PARN: variants seen among roughly 807,000 people sequenced by gnomAD.
PARN encodes poly(A)-specific ribonuclease PARN.
A neutral mutation model predicts 102.8 loss-of-function variants in PARN; 71 were observed. The observed-to-expected ratio is 0.69, with a 90% CI of 0.57 to 0.84. The LOEUF (loss-of-function observed/expected upper bound fraction) is 0.84. PARN is among the 40% of genes least tolerant of loss of function. PARN has a pLI of 0.00. For missense variants in PARN, 782 were observed against 760.9 expected, an observed-to-expected ratio of 1.03 and a Z score of -0.33; for synonymous variants, 261 against 252.9, an observed-to-expected ratio of 1.03 and a Z score of -0.30.
At chr16:14,468,503 T>C (rs773050993) in intron 22 of PARN, among the ~76,000 whole-genome samples, 6 of 152,082 alleles carry the variant, frequency 3.9e-5, no homozygotes, top group Non-Finnish European at 8.8e-5. Context: ...GGAGCAAGAA[T>C]AGCTTGTATA....
chr16:14,517,178 T>A (rs967292159), intron 21 of PARN, among the ~76,000 whole-genome samples: 2 of 152,246 alleles, frequency 1.3e-5, no homozygotes, highest in South Asian at 2.1e-4. Flanking sequence ...TTTCTGCTCC[T>A]GCCATCAAGA....
chr16:14,567,435 A>G (rs1462697500), intron 18 of PARN, among the ~76,000 whole-genome samples: 1 of 152,152 alleles, frequency 6.6e-6, no homozygotes, highest in Non-Finnish European at 1.5e-5. Flanking sequence ...AATATCAACA[A>G]TCATACCACT....
chr16:14,457,842 T>C (rs2151569187), intron 22 of PARN, among the ~76,000 whole-genome samples: 1 of 135,182 alleles, frequency 7.4e-6, no homozygotes, highest in South Asian at 2.5e-4. Context: ...GTAAACAAAC[T>C]TAACATTAAA....
In PARN at chr16:14,436,729, AG is replaced by A; in HGVS notation, c.1907del (p.Pro636LeufsTer68). ...CCTCAGGTCTTGGTTACCATGTGTC[AG>A]GAACTTCAAAGAGTGTGGCAGGGCT... ...KNSPATLFEV[P>X]DTW On this transcript the variant is annotated frameshift_variant, in exon 24 of 24. Coordinates refer to ENST00000437198, the MANE Select transcript of PARN (RefSeq NM_002582.4). LOFTEE classifies it high-confidence loss of function. The A allele has an allele frequency of 6.2e-7, 1 of 1,601,422 alleles. No individual in the cohort carries two copies. The highest frequency in any genetic ancestry group is 8.5e-7 in the Non-Finnish European group (1 of 1,174,012).
At chr16:14,572,600 G>A (rs1968876918) in intron 18 of PARN, among the ~76,000 whole-genome samples, 1 of 152,100 alleles carries the variant, frequency 6.6e-6, no homozygotes, top group African/African-American at 2.4e-5. Context: ...TCCATACACT[G>A]CTGCGTTATA....
At chr16:14,463,012 T>C (rs1040167869) in intron 22 of PARN, among the ~76,000 whole-genome samples, 2 of 152,202 alleles carry the variant, frequency 1.3e-5, no homozygotes, top group Non-Finnish European at 2.9e-5. Context: ...AGCAGAGGAC[T>C]GATCAGCACA....
intron 14 of PARN, 51 bp downstream of exon 14, chr16:14,586,267 G>T: frequency 9.0e-7 from 1 of 1,110,212 alleles, no homozygotes; most frequent in Non-Finnish European, 1.3e-6. Flanking sequence ...GTGAGCCACC[G>T]TGCCCAGCCA....
At chr16:14,552,860 A>C (rs970662339) in intron 20 of PARN, among the ~76,000 whole-genome samples, 6 of 152,006 alleles carry the variant, frequency 3.9e-5, no homozygotes, top group Admixed American at 6.6e-5. Context: ...AGGCAGGAGA[A>C]TGGCTTGAAC....
chr16:14,471,433 C>T (rs1962732951), intron 22 of PARN, among the ~76,000 whole-genome samples: 1 of 152,190 alleles, frequency 6.6e-6, no homozygotes, highest in South Asian at 2.1e-4. Flanking sequence ...TCAGCATTCT[C>T]TCCATTCTCA....
At chr16:14,585,364 GTTTTTTT>G (rs36030259) in intron 14 of PARN, among the ~76,000 whole-genome samples, 1 of 121,128 alleles carries the variant, frequency 8.3e-6, no homozygotes, top group East Asian at 2.3e-4. Flanking sequence ...CTATTTCTCT[GTTTTTTT>G]TTTTTTTTTT....
intron 5 of PARN, among the ~76,000 whole-genome samples, chr16:14,620,579 A>T (rs75610914): frequency 0.021 from 3,233 of 152,304 alleles, 59 homozygotes; most frequent in Middle Eastern, 0.068. Context: ...CCTGCACTGT[A>T]CTTTGACATT....
chr16:14,509,208 A>C (rs1416716991), intron 21 of PARN, among the ~76,000 whole-genome samples: 1 of 152,068 alleles, frequency 6.6e-6, no homozygotes, highest in Non-Finnish European at 1.5e-5. Flanking sequence ...GAAAAGTATA[A>C]ACCCCGTGTC....
intron 21 of PARN, among the ~76,000 whole-genome samples, chr16:14,483,183 TAAAC>T (rs1016481705): frequency 9.9e-5 from 15 of 152,148 alleles, no homozygotes; most frequent in Non-Finnish European, 2.1e-4. Context: ...AAAATGAAAA[TAAAC>T]AAAACCACTA....
At chr16:14,502,015 A>C (rs962770055) in intron 21 of PARN, among the ~76,000 whole-genome samples, 1 of 152,248 alleles carries the variant, frequency 6.6e-6, no homozygotes, top group Admixed American at 6.5e-5. Flanking sequence ...TCAGGATTTA[A>C]AAGAGTTAAC....
At chr16:14,604,826 G>A (rs1461783504) in intron 10 of PARN, among the ~76,000 whole-genome samples, 2 of 152,152 alleles carry the variant, frequency 1.3e-5, no homozygotes, top group East Asian at 3.9e-4. Context: ...ATGTTGCCCA[G>A]GCTGGTCTCA....
At chr16:14,567,113 C>A (rs1036948310) in intron 18 of PARN, among the ~76,000 whole-genome samples, 4 of 152,134 alleles carry the variant, frequency 2.6e-5, no homozygotes, top group African/African-American at 9.7e-5. Flanking sequence ...CATGGAGATT[C>A]TTTTTATCAT....
intron 6 of PARN, among the ~76,000 whole-genome samples, chr16:14,613,320 A>AG (rs1181316250): frequency 6.7e-6 from 1 of 149,128 alleles, no homozygotes; most frequent in Non-Finnish European, 1.5e-5. Context: ...AAAAAAAAAA[A>AG]AAAAACAAAA....
At chr16:14,467,999 C>T (rs1008740190) in intron 22 of PARN, among the ~76,000 whole-genome samples, 3 of 152,140 alleles carry the variant, frequency 2.0e-5, no homozygotes, top group African/African-American at 4.8e-5. Context: ...AAGAAGAATA[C>T]GTGACAATCC....
intron 8 of PARN, 63 bp from the exon 9 acceptor site, chr16:14,608,382 G>C (rs934259251): frequency 1.9e-6 from 2 of 1,033,564 alleles, no homozygotes; most frequent in Admixed American, 2.6e-5. Flanking sequence ...AACTGATCAA[G>C]CATTTGTTGA....
Sources: gnomAD v4.1 joint callset for allele counts (sites outside exome capture counted in the v4.1 genomes callset) on GRCh38, gnomAD v4.1.1 for gene constraint, MANE v1.5 for transcripts, NCBI Gene and HGNC (gene_info 2026-07-23, HGNC 2026-07-21) for gene names.